TAFA1: variants seen among roughly 807,000 people sequenced by gnomAD.
The protein encoded by TAFA1 is TAFA chemokine like family member 1.
TAFA1 carries 4 observed loss-of-function variants against 18.5 expected under a neutral mutation model. The ratio of observed to expected loss-of-function variants is 0.22; its 90% CI spans 0.11 to 0.49. The LOEUF is 0.49. Among genes scored for constraint, TAFA1 ranks in the 20% least tolerant of loss-of-function variants. The probability of loss-of-function intolerance (pLI) is 0.98; values close to 1 mark genes in which losing one functional copy is unlikely to be tolerated. For missense variants in TAFA1, 147 were observed against 169.0 expected (o/e 0.87, Z 0.72); for synonymous variants, 56 against 55.2 (o/e 1.01, Z -0.06).
intron 2 of TAFA1, among the ~76,000 whole-genome samples, chr3:68,379,626 G>A (rs375550866): frequency 6.6e-6 from 1 of 152,000 alleles, no homozygotes; most frequent in Non-Finnish European, 1.5e-5. Context: ...TAGAGGTTTG[G>A]GTTTTACACT....
chr3:68,277,189 G>A (rs2067813216), intron 2 of TAFA1, among the ~76,000 whole-genome samples: 1 of 152,110 alleles, frequency 6.6e-6, no homozygotes, highest in South Asian at 2.1e-4. Flanking sequence ...ATTCATACCA[G>A]AATCATACCA....
At chr3:68,079,433 T>G (rs2064868785) in intron 2 of TAFA1, among the ~76,000 whole-genome samples, 1 of 152,210 alleles carries the variant, frequency 6.6e-6, no homozygotes, top group African/African-American at 2.4e-5. Flanking sequence ...CTTTCCTGCT[T>G]TCTCTTATGG....
intron 2 of TAFA1, among the ~76,000 whole-genome samples, chr3:68,208,208 T>G (rs535700355): frequency 6.6e-6 from 1 of 152,066 alleles, no homozygotes; most frequent in African/African-American, 2.4e-5. Context: ...CATGCACCAG[T>G]ACAAACCTGG....
At chr3:68,419,027 G>A (rs1340554608) in intron 3 of TAFA1, among the ~76,000 whole-genome samples, 1 of 152,156 alleles carries the variant, frequency 6.6e-6, no homozygotes, top group Non-Finnish European at 1.5e-5. Flanking sequence ...AAGATGGCTT[G>A]TTCACATGGC....
At chr3:68,124,906 G>A (rs925018564) in intron 2 of TAFA1, among the ~76,000 whole-genome samples, 1 of 152,204 alleles carries the variant, frequency 6.6e-6, no homozygotes, top group African/African-American at 2.4e-5. Context: ...ATAAGGGGAG[G>A]CAGGTTAGAG....
At chr3:68,096,706 C>T (rs948084207) in intron 2 of TAFA1, among the ~76,000 whole-genome samples, 1 of 152,030 alleles carries the variant, frequency 6.6e-6, no homozygotes, top group Non-Finnish European at 1.5e-5. Flanking sequence ...AAGTTAACAC[C>T]TATTATAGAG....
intron 2 of TAFA1, among the ~76,000 whole-genome samples, chr3:68,362,507 T>C (rs2069487025): frequency 6.6e-6 from 1 of 152,170 alleles, no homozygotes; most frequent in Admixed American, 6.5e-5. Context: ...GTATGGTGTT[T>C]ATGGACTTGA....
At chr3:68,033,811 T>C (rs1704988924) in intron 2 of TAFA1, among the ~76,000 whole-genome samples, 1 of 152,212 alleles carries the variant, frequency 6.6e-6, no homozygotes, top group South Asian at 2.1e-4. Flanking sequence ...ATGCTGGAAA[T>C]ACAATTTACA....
rs541403300 is a variant in TAFA1 at position 68,325,387 on chromosome 3, T to C, written c.119-91893T>C. ...TGCTAGTTATTCAATCTCTTTCTCA[T>C]CTGTAAACTAAGGGTGAATAGTATC... is the stretch of plus-strand genomic sequence containing the variant. On this transcript the variant is annotated intron_variant, in intron 2 of 4. Coordinates refer to ENST00000478136, the MANE Select transcript of TAFA1 (RefSeq NM_213609.4). Among the ~76,000 whole-genome samples, 4 of 152,310 alleles carry C rather than the reference T, an allele frequency of 2.6e-5. No individual in the cohort carries two copies. The South Asian group carries it at 8.3e-4, about 32-fold the overall frequency.
At chr3:68,278,664 G>C (rs989188259) in intron 2 of TAFA1, among the ~76,000 whole-genome samples, 3 of 152,074 alleles carry the variant, frequency 2.0e-5, no homozygotes, top group African/African-American at 7.2e-5. Flanking sequence ...GTAAGCCCAG[G>C]TGTCCCCTTG....
intron 2 of TAFA1, among the ~76,000 whole-genome samples, chr3:68,085,907 G>A (rs1318559729): frequency 6.6e-6 from 1 of 152,148 alleles, no homozygotes; most frequent in African/African-American, 2.4e-5. Flanking sequence ...CTGAACAGGT[G>A]TGCCCAACAT....
chr3:68,180,872 A>G (rs1477070220), intron 2 of TAFA1, among the ~76,000 whole-genome samples: 1 of 152,174 alleles, frequency 6.6e-6, no homozygotes. Context: ...TCTGGAAAAA[A>G]CAACCACAGA....
At chr3:67,996,623 A>AC in the TAFA1 span, among the ~76,000 whole-genome samples, 1 of 151,884 alleles carries the variant, frequency 6.6e-6, no homozygotes, top group East Asian at 1.9e-4. Flanking sequence ...ACATGATGAA[A>AC]CCCCATCTCT....
chr3:68,051,114 A>T (rs2064466190), intron 2 of TAFA1, among the ~76,000 whole-genome samples: 1 of 152,118 alleles, frequency 6.6e-6, no homozygotes, highest in South Asian at 2.1e-4. Context: ...TCTCATCTAA[A>T]ATAGGGATGA....
chr3:68,522,677 C>T (rs574836191), intron 3 of TAFA1, among the ~76,000 whole-genome samples: 27 of 152,206 alleles, frequency 1.8e-4, no homozygotes, highest in African/African-American at 5.5e-4. Context: ...GGTGAAACCC[C>T]GTTTCTACTA....
chr3:68,458,853 T>G (rs1422857416), intron 3 of TAFA1, among the ~76,000 whole-genome samples: 1 of 152,000 alleles, frequency 6.6e-6, no homozygotes, highest in Non-Finnish European at 1.5e-5. Context: ...GTAAATCCAG[T>G]TATACTTAGT....
At chr3:68,170,686 G>C (rs1237153107) in intron 2 of TAFA1, among the ~76,000 whole-genome samples, 2 of 152,154 alleles carry the variant, frequency 1.3e-5, no homozygotes, top group Non-Finnish European at 2.9e-5. Flanking sequence ...CTAGGGCAGA[G>C]CTGTAAACTA....
intron 2 of TAFA1, among the ~76,000 whole-genome samples, chr3:68,082,266 C>A (rs543378140): frequency 7.9e-5 from 12 of 152,344 alleles, no homozygotes; most frequent in African/African-American, 2.9e-4. Context: ...GCAGAAATCA[C>A]CATCTTGTGC....
intron 2 of TAFA1, among the ~76,000 whole-genome samples, chr3:68,300,880 A>T (rs182334767): frequency 1.9e-3 from 293 of 152,106 alleles, no homozygotes; most frequent in Non-Finnish European, 3.3e-3. Context: ...TTCCACCATG[A>T]TTGTAAGTTT....
Sources: gnomAD v4.1 joint callset for allele counts (sites outside exome capture counted in the v4.1 genomes callset) on GRCh38, gnomAD v4.1.1 for gene constraint, MANE v1.5 for transcripts, NCBI Gene and HGNC (gene_info 2026-07-23, HGNC 2026-07-21) for gene names.